IFIH1: variants seen among roughly 807,000 people sequenced by gnomAD.
IFIH1 encodes interferon-induced helicase C domain-containing protein 1.
Under a neutral mutation model 107.4 loss-of-function variants are expected in IFIH1, and 125 were observed. The ratio of observed to expected loss-of-function variants is 1.16; its 90% CI spans 1.01 to 1.35. The LOEUF (loss-of-function observed/expected upper bound fraction) is 1.35. Ranked by LOEUF, IFIH1 falls within the 40% of genes most tolerant of loss-of-function variation. IFIH1 has a pLI of 0.00. For missense variants in IFIH1, 1,333 were observed against 1,213.7 expected, an observed-to-expected ratio of 1.10 and a Z score of -1.46; for synonymous variants, 458 against 413.2, an observed-to-expected ratio of 1.11 and a Z score of -1.31.
Position 162,314,385 on chromosome 2 carries a change from TC to T in IFIH1, c.454-3453del, listed in dbSNP as rs1358493672. 7.1e-4 allele frequency among the ~76,000 whole-genome samples: 26 copies of T among 36,620 alleles called. 1 individual carries two copies. Among genetic ancestry groups the T allele is most frequent in the Admixed American group, 2.1e-3 (8 of 3,730 alleles). 24.0% of individuals were successfully genotyped at this position (36,620 alleles called of 152,430 possible). ...TTCCTTCCTTCCCTCCCTCCCTCCCTCCCTCCCTCCCTCCTTTCTTTCTTTC... is the reference window on the plus strand; with the variant it reads ...TTCCTTCCTTCCCTCCCTCCCTCCCTCCTCCCTCCCTCCTTTCTTTCTTTC... On this transcript the variant is annotated intron_variant, in intron 1 of 15. Coordinates refer to ENST00000649979, the MANE Select transcript of IFIH1 (RefSeq NM_022168.4).
At chr2:162,276,389 G>C (rs1277787132) in intron 11 of IFIH1, among the ~76,000 whole-genome samples, 1 of 152,160 alleles carries the variant, frequency 6.6e-6, no homozygotes, top group African/African-American at 2.4e-5. Context: ...GATGGCTTGA[G>C]CCCAGGAGTT....
At chr2:162,303,191 T>C (rs1447806553) in intron 3 of IFIH1, among the ~76,000 whole-genome samples, 1 of 152,130 alleles carries the variant, frequency 6.6e-6, no homozygotes, top group Non-Finnish European at 1.5e-5. Context: ...CTTGGCTCAC[T>C]GCAACCTCTG....
At chr2:162,300,058 T>A (rs1027390904) in intron 3 of IFIH1, among the ~76,000 whole-genome samples, 2 of 152,246 alleles carry the variant, frequency 1.3e-5, no homozygotes, top group African/African-American at 4.8e-5. Context: ...CTCTTCATCC[T>A]GTAATATAGA....
Position 162,318,559 on chromosome 2 carries a change from G to A in IFIH1, c.-252C>T, listed in dbSNP as rs1683562460. On this transcript the variant is annotated 5_prime_UTR_variant, in exon 1 of 16. Transcript: ENST00000649979. ...CGCGGGGCCGCGGCAGGCAGGTGCG[G>A]CCGGCAGGCGCGGCACTTTGGACTC... 1 of 255,476 alleles carries A rather than the reference G, an allele frequency of 3.9e-6. No homozygotes were observed. The allele number at this position is 255,476 out of a possible 1,614,324, so 15.8% of individuals were successfully genotyped here.
At position 162,318,023 on chromosome 2, in the gene IFIH1, C is replaced by A; in HGVS notation, c.285G>T (p.Met95Ile). The A allele has an allele frequency of 6.2e-7, 1 of 1,614,160 alleles. No homozygotes were observed. The highest frequency in any genetic ancestry group is 1.3e-5 in the African/African-American group (1 of 75,048). The change falls in exon 1 of 16, where the codon ATG (methionine) becomes ATT (isoleucine). Residue 95 changes from methionine (M) to isoleucine (I), a missense_variant. Met to Ile is a conservative substitution (Grantham distance 10). Coordinates refer to ENST00000649979, the MANE Select transcript of IFIH1 (RefSeq NM_022168.4). ...RTGSPLAARY[M>I]NPELTDLPSP... ...AGGGCAAGTCCGTGAGCTCAGGGTT[C>A]ATGTAGCGGGCGGCCAGAGGGCTGC...
chr2:162,317,794 C>T, intron 1 of IFIH1, 61 bp downstream of exon 1: 1 of 1,396,428 alleles, frequency 7.2e-7, no homozygotes, highest in South Asian at 1.4e-5. Flanking sequence ...GGCAAACGCA[C>T]AAGGAAGCCT....
At chr2:162,315,847 A>T (rs925534979) in intron 1 of IFIH1, among the ~76,000 whole-genome samples, 1 of 152,240 alleles carries the variant, frequency 6.6e-6, no homozygotes, top group African/African-American at 2.4e-5. Context: ...CTGATAATAC[A>T]TGTAAATGAT....
Position 162,277,503 on chromosome 2 carries a change from C to T in IFIH1, c.1956G>A (p.Glu652=). 1.3e-6 allele frequency: 2 copies of T among 1,580,268 alleles called. No homozygotes were observed. Among genetic ancestry groups the T allele is most frequent in the Non-Finnish European group, 1.7e-6 (2 of 1,149,898 alleles). ...CCTCATCTTCATCACCATCACAATA[C>T]TCATCATCACCACCCTCATCACTAT... ...EDDSDEGGDD[E]YCDGDEDEDD... Residue 652 remains glutamate, a synonymous_variant, in exon 10 of 16, where the codon GAG becomes GAA. Coordinates refer to ENST00000649979, the MANE Select transcript of IFIH1 (RefSeq NM_022168.4).
intron 3 of IFIH1, among the ~76,000 whole-genome samples, chr2:162,306,500 T>C (rs1317280531): frequency 6.6e-6 from 1 of 152,234 alleles, no homozygotes; most frequent in Non-Finnish European, 1.5e-5. Flanking sequence ...ATTGTGTTCA[T>C]ATTTATAACA....
intron 3 of IFIH1, among the ~76,000 whole-genome samples, chr2:162,298,944 C>T (rs528783486): frequency 6.6e-6 from 1 of 152,186 alleles, no homozygotes; most frequent in South Asian, 2.1e-4. Flanking sequence ...AGTTCCCCAA[C>T]GAGAAAAATC....
In IFIH1 at chr2:162,276,869, T is replaced by C. The variant is rs370796923; in HGVS notation, c.2122A>G (p.Ile708Val). The C allele has an allele frequency of 3.0e-5, 49 of 1,613,452 alleles. No homozygotes were observed. Among genetic ancestry groups the C allele is most frequent in the Non-Finnish European group, 3.6e-5 (43 of 1,179,738 alleles). Residue 708 changes from isoleucine to valine, a missense_variant, in exon 11 of 16, where the codon ATA becomes GTA. Transcript: ENST00000649979. ...NEKLTKLRNT[I>V]MEQYTRTEES... ...TCAGTCCTAGTATATTGCTCCATTA[T>C]GGTATTTCTTAATTTGGTCAGCTTT...
At chr2:162,308,381 C>T (rs892556017) in intron 2 of IFIH1, among the ~76,000 whole-genome samples, 4 of 141,742 alleles carry the variant, frequency 2.8e-5, no homozygotes, top group Non-Finnish European at 6.2e-5. Context: ...TTCATTTAAT[C>T]TTTTTTTTTT....
chr2:162,282,334 A>AT lies in IFIH1; in HGVS notation c.1306+31dup, dbSNP rs11441874. 10,905 of 1,417,838 alleles carry AT rather than the reference A, an allele frequency of 7.7e-3. 692 individuals are homozygous for AT. The African/African-American group carries it at 0.14, about 19-fold the overall frequency. The allele number at this position is 1,417,838 out of a possible 1,614,324, so 87.8% of individuals were successfully genotyped here. On this transcript the variant is annotated intron_variant, in intron 6 of 15. Transcript: ENST00000649979. ...TTTGTTATCATCAATATTACTATTA[A>AT]TTTTTTTAAAAAAATAAACACTTAA...
chr2:162,296,775 AC>A (rs1482791245), intron 3 of IFIH1, among the ~76,000 whole-genome samples: 1 of 152,258 alleles, frequency 6.6e-6, no homozygotes, highest in African/African-American at 2.4e-5. Context: ...ATAGATTTTC[AC>A]TAACTTTACA....
intron 2 of IFIH1, chr2:162,310,486 T>TA (rs1430523878): frequency 9.9e-6 from 5 of 506,468 alleles, no homozygotes; most frequent in Non-Finnish European, 1.7e-5. Context: ...TAATGTTACA[T>TA]AATCTTGATA....
At chr2:162,288,661 G>C (rs1366446550) in intron 4 of IFIH1, among the ~76,000 whole-genome samples, 1 of 151,832 alleles carries the variant, frequency 6.6e-6, no homozygotes, top group Non-Finnish European at 1.5e-5. Context: ...AGGCGAATTT[G>C]TAGAAAGGGC....
At chr2:162,286,454 G>T (rs1682895160) in intron 5 of IFIH1, among the ~76,000 whole-genome samples, 1 of 151,940 alleles carries the variant, frequency 6.6e-6, no homozygotes, top group Non-Finnish European at 1.5e-5. Context: ...CTCTGCAAAG[G>T]AAGAAAGCTG....
intron 13 of IFIH1, among the ~76,000 whole-genome samples, chr2:162,268,565 G>A (rs1029889070): frequency 2.0e-5 from 3 of 152,022 alleles, no homozygotes; most frequent in African/African-American, 7.2e-5. Context: ...AAAATTCTCT[G>A]TCTAGCCTAC....
At chr2:162,298,616 G>A (rs755163456) in intron 3 of IFIH1, among the ~76,000 whole-genome samples, 3 of 152,072 alleles carry the variant, frequency 2.0e-5, no homozygotes, top group Non-Finnish European at 4.4e-5. Flanking sequence ...ATGTGTGCAC[G>A]TTTGGGCACA....
Sources: gnomAD v4.1 joint callset for allele counts (sites outside exome capture counted in the v4.1 genomes callset) on GRCh38, gnomAD v4.1.1 for gene constraint, MANE v1.5 for transcripts, NCBI Gene and HGNC (gene_info 2026-07-23, HGNC 2026-07-21) for gene names.